The following ABCC1 variants were observed in gnomAD, a reference collection of about 807,000 sequenced individuals.
The protein encoded by ABCC1 is ATP binding cassette subfamily C member 1 (ABCC1 blood group), also known as multidrug resistance-associated protein 1.
ABCC1 carries 83 observed loss-of-function variants against 172.9 expected under a neutral mutation model. That is an observed-to-expected ratio of 0.48 (90% confidence interval 0.40 to 0.58). The LOEUF (loss-of-function observed/expected upper bound fraction) is 0.58. ABCC1 is among the 20% of genes least tolerant of loss of function. ABCC1 has a pLI of 0.00. For synonymous variants in ABCC1, 937 were observed against 825.2 expected (o/e 1.14, Z -2.32); for missense variants, 1,817 against 2,002.7 (o/e 0.91, Z 1.77).
At chr16:16,028,137 C>T (rs1039414428) in intron 5 of ABCC1, among the ~76,000 whole-genome samples, 10 of 152,220 alleles carry the variant, frequency 6.6e-5, no homozygotes, top group Middle Eastern at 3.4e-3. Context: ...ATCAGCTGGC[C>T]GTTTCCAGAA....
chr16:15,954,959 T>C (rs955307210), intron 1 of ABCC1, among the ~76,000 whole-genome samples: 6 of 152,214 alleles, frequency 3.9e-5, no homozygotes, highest in Non-Finnish European at 8.8e-5. Context: ...CTATCACATC[T>C]GTCAGCAAAT....
intron 1 of ABCC1, among the ~76,000 whole-genome samples, chr16:15,971,909 G>A (rs1211534647): frequency 6.6e-6 from 1 of 152,126 alleles, no homozygotes. Flanking sequence ...TAGGCAAGAA[G>A]GAAGGGAGAA....
intron 17 of ABCC1, among the ~76,000 whole-genome samples, chr16:16,084,078 CTCTTTCTTTTCTT>C (rs1202610324): frequency 6.6e-6 from 1 of 152,052 alleles, no homozygotes; most frequent in Non-Finnish European, 1.5e-5. Flanking sequence ...TGAGCATTTT[CTCTTTCTTTTCTT>C]TCTTTCTTTT....
At chr16:16,096,237 C>CA (rs199610563) in intron 19 of ABCC1, among the ~76,000 whole-genome samples, 11 of 148,912 alleles carry the variant, frequency 7.4e-5, no homozygotes, top group South Asian at 6.4e-4. Flanking sequence ...AAAAAAAAAA[C>CA]AAAAAAACAA....
chr16:16,048,101 G>A, intron 9 of ABCC1, 41 bp from the exon 10 acceptor site: 1 of 1,609,500 alleles, frequency 6.2e-7, no homozygotes, highest in Non-Finnish European at 8.5e-7. Flanking sequence ...GGCCTCTTCA[G>A]CTGCCACACT....
intron 19 of ABCC1, among the ~76,000 whole-genome samples, chr16:16,098,506 C>T (rs1310757088): frequency 6.6e-6 from 1 of 152,208 alleles, no homozygotes; most frequent in Non-Finnish European, 1.5e-5. Context: ...GTAATCCCAG[C>T]TATTTGGGAG....
chr16:16,131,731 C>T (rs779449457), intron 26 of ABCC1, 58 bp from the exon 27 acceptor site: 6 of 1,582,402 alleles, frequency 3.8e-6, no homozygotes, highest in Non-Finnish European at 5.2e-6. Flanking sequence ...TCAGGGGAGT[C>T]ACAGCTTTAC....
chr16:16,026,661 A>T lies in ABCC1; in HGVS notation c.616-6448A>T, dbSNP rs2048385830. On this transcript the variant is annotated intron_variant, in intron 5 of 30. Coordinates refer to ENST00000399410, the MANE Select transcript of ABCC1 (RefSeq NM_004996.4). ...CTGGGCGCGGTGGGTCATGCCTGTA[A>T]TCCCAGCGCTTTGTGAGGCCGAGAT... Among the ~76,000 whole-genome samples, 3 of 151,764 alleles carry T rather than the reference A, an allele frequency of 2.0e-5. No homozygotes were observed. The South Asian group carries it at 6.3e-4, about 32-fold the overall frequency.
intron 13 of ABCC1, 45 bp downstream of exon 13, chr16:16,068,347 T>G: frequency 6.2e-7 from 1 of 1,603,332 alleles, no homozygotes; most frequent in Non-Finnish European, 8.5e-7. Context: ...GGCCTTGGGG[T>G]TCTAGGCCAC....
At chr16:15,976,063 C>G (rs896760179) in intron 1 of ABCC1, among the ~76,000 whole-genome samples, 2 of 151,670 alleles carry the variant, frequency 1.3e-5, no homozygotes, top group African/African-American at 2.4e-5. Flanking sequence ...ATCAGGAGTT[C>G]GAGACCAGCC....
At chr16:16,101,708 A>G (rs4148366) in intron 19 of ABCC1, among the ~76,000 whole-genome samples, 70,762 of 152,000 alleles carry the variant, frequency 0.47, 17,366 homozygotes, top group Non-Finnish European at 0.55. Context: ...GGCAGTAGTC[A>G]TCATCATCAC....
At chr16:16,079,505 C>T (rs1412351478) in intron 16 of ABCC1, 27 bp downstream of exon 16, 6 of 1,593,150 alleles carry the variant, frequency 3.8e-6, no homozygotes, top group Middle Eastern at 1.7e-4. Context: ...CGGGGAGGGG[C>T]AGTGGGGAAG....
intron 13 of ABCC1, 76 bp downstream of exon 13, chr16:16,068,378 G>A (rs1357994415): frequency 1.3e-5 from 20 of 1,553,206 alleles, no homozygotes; most frequent in East Asian, 2.2e-5. Context: ...AAGTGCCCCC[G>A]AGCGCAGCCT....
chr16:16,058,056 A>G (rs910831208), intron 12 of ABCC1, among the ~76,000 whole-genome samples: 2 of 151,678 alleles, frequency 1.3e-5, no homozygotes, highest in East Asian at 3.9e-4. Flanking sequence ...TTTTGCTGTT[A>G]TGATCCATGC....
At chr16:15,990,372 A>G (rs904716759) in intron 1 of ABCC1, among the ~76,000 whole-genome samples, 1 of 152,104 alleles carries the variant, frequency 6.6e-6, no homozygotes, top group Non-Finnish European at 1.5e-5. Flanking sequence ...AGTATACAAT[A>G]TAGTATTGTG....
At chr16:15,989,444 A>G (rs772536361) in intron 1 of ABCC1, among the ~76,000 whole-genome samples, 3 of 152,138 alleles carry the variant, frequency 2.0e-5, no homozygotes, top group Non-Finnish European at 4.4e-5. Context: ...CGGTGGGGAA[A>G]TGAAGGCCAC....
chr16:16,141,235 A>G lies in ABCC1; in HGVS notation c.4550A>G (p.Gln1517Arg). ...EYGAPSDLLQQRGLFYSMAKD... is the reference protein window; with the variant it reads ...EYGAPSDLLQRRGLFYSMAKD... ...GGCGCCCCATCGGACCTCCTGCAGCAGAGAGGTCTTTTCTACAGCATGGCC... is the reference window on the plus strand; with the variant it reads ...GGCGCCCCATCGGACCTCCTGCAGCGGAGAGGTCTTTTCTACAGCATGGCC... Residue 1517 changes from glutamine to arginine, a missense_variant, in exon 31 of 31, where the codon CAG becomes CGG. Coordinates refer to ENST00000399410, the MANE Select transcript of ABCC1 (RefSeq NM_004996.4). 6.2e-7 allele frequency: 1 copy of G among 1,614,072 alleles called. No homozygotes were observed. The highest frequency in any genetic ancestry group is 8.5e-7 in the Non-Finnish European group (1 of 1,180,014).
chr16:16,103,260 A>G (rs8048316), intron 20 of ABCC1, among the ~76,000 whole-genome samples: 6,532 of 152,210 alleles, frequency 0.043, 483 homozygotes, highest in African/African-American at 0.15. Context: ...CGTATGCAGT[A>G]TATTAACCAT....
intron 1 of ABCC1, among the ~76,000 whole-genome samples, chr16:15,952,634 G>A (rs947490303): frequency 4.6e-5 from 7 of 151,122 alleles, no homozygotes; most frequent in Admixed American, 1.3e-4. Context: ...TCATGGGGGT[G>A]GGACTGGTAG....
Sources: gnomAD v4.1 joint callset for allele counts (sites outside exome capture counted in the v4.1 genomes callset) on GRCh38, gnomAD v4.1.1 for gene constraint, MANE v1.5 for transcripts, NCBI Gene and HGNC (gene_info 2026-07-23, HGNC 2026-07-21) for gene names.